CNTN3: variants seen among roughly 807,000 people sequenced by gnomAD.
The protein encoded by CNTN3 is contactin 3, also known as contactin-3.
A neutral mutation model predicts 119.1 loss-of-function variants in CNTN3; 60 were observed. The ratio of observed to expected loss-of-function variants is 0.50; its 90% CI spans 0.41 to 0.62. The LOEUF (loss-of-function observed/expected upper bound fraction) is 0.62. CNTN3 is among the 20% of genes least tolerant of loss of function. CNTN3 has a pLI of 0.00. For synonymous variants in CNTN3, 450 were observed against 438.7 expected, an observed-to-expected ratio of 1.03 and a Z score of -0.32; for missense variants, 1,101 against 1,242.4, an observed-to-expected ratio of 0.89 and a Z score of 1.71.
chr3:74,583,784 G>A (rs1704552015), intron 1 of CNTN3, among the ~76,000 whole-genome samples: 1 of 152,164 alleles, frequency 6.6e-6, no homozygotes. Flanking sequence ...ACATTTTAAA[G>A]ACAGAATTGC....
intron 4 of CNTN3, among the ~76,000 whole-genome samples, chr3:74,476,495 A>G (rs1235908468): frequency 6.6e-6 from 1 of 152,206 alleles, no homozygotes; most frequent in East Asian, 1.9e-4. Context: ...CCAGGTAGGT[A>G]GAAACTCTGC....
intron 13 of CNTN3, among the ~76,000 whole-genome samples, chr3:74,317,363 T>C (rs1233810338): frequency 1.3e-5 from 2 of 151,688 alleles, no homozygotes; most frequent in Admixed American, 6.6e-5. Flanking sequence ...GTTATGTGTG[T>C]ATTTGGTCCT....
intron 4 of CNTN3, among the ~76,000 whole-genome samples, chr3:74,463,182 T>C (rs1295890648): frequency 6.6e-6 from 1 of 152,170 alleles, no homozygotes; most frequent in Non-Finnish European, 1.5e-5. Context: ...AGCGTTTGCT[T>C]TCTACAGTGT....
At chr3:74,344,807 C>G (rs1481707103) in intron 11 of CNTN3, among the ~76,000 whole-genome samples, 1 of 151,926 alleles carries the variant, frequency 6.6e-6, no homozygotes, top group African/African-American at 2.4e-5. Flanking sequence ...TCTTTGAGTA[C>G]TTGAAAAATC....
intron 1 of CNTN3, among the ~76,000 whole-genome samples, chr3:74,559,113 T>C (rs192702667): frequency 6.6e-6 from 1 of 152,178 alleles, no homozygotes; most frequent in East Asian, 1.9e-4. Flanking sequence ...TCATAATTAA[T>C]ATTACTACTA....
At chr3:74,486,981 G>C (rs7615301) in intron 3 of CNTN3, among the ~76,000 whole-genome samples, 53,611 of 152,000 alleles carry the variant, frequency 0.35, 11,851 homozygotes, top group Non-Finnish European at 0.5. Context: ...TTAGGCCAAG[G>C]TCCTGCTGAC....
chr3:74,513,252 T>C (rs760720069), intron 2 of CNTN3, among the ~76,000 whole-genome samples: 3 of 152,106 alleles, frequency 2.0e-5, no homozygotes, highest in Admixed American at 6.6e-5. Context: ...ACTAAAACTT[T>C]AATCGTACCA....
rs926280162 is a variant in CNTN3 at position 74,486,393 on chromosome 3, T to C, written c.358+63A>G. The C allele has an allele frequency of 9.1e-6, 13 of 1,427,920 alleles. No individual in the cohort carries two copies. The African/African-American group carries it at 1.2e-4, about 13-fold the overall frequency. The allele number at this position is 1,427,920 out of a possible 1,614,324, so 88.5% of individuals were successfully genotyped here. A position where few individuals can be genotyped will look rare whatever the true frequency, so the allele number is the denominator to read the frequency against. On this transcript the variant is annotated intron_variant, in intron 4 of 22. Coordinates refer to ENST00000263665, the MANE Select transcript of CNTN3 (RefSeq NM_020872.3). Reference sequence around the variant, plus strand: ...TATTATTTCTGAAATCCAAAACGACTACACAAATTAAGTTACATATTTTCT... The same window carrying C: ...TATTATTTCTGAAATCCAAAACGACCACACAAATTAAGTTACATATTTTCT...
intron 4 of CNTN3, among the ~76,000 whole-genome samples, chr3:74,447,569 G>A (rs1352810054): frequency 6.6e-6 from 1 of 151,824 alleles, no homozygotes; most frequent in Non-Finnish European, 1.5e-5. Context: ...TGGAAAATAA[G>A]ACCTACTAAG....
At chr3:74,486,432 C>T in intron 4 of CNTN3, 24 bp downstream of exon 4, 2 of 1,557,740 alleles carry the variant, frequency 1.3e-6, no homozygotes, top group Non-Finnish European at 1.7e-6. Flanking sequence ...GTTGGATTTG[C>T]TAGACATGTG....
chr3:74,501,803 G>A lies in CNTN3; in HGVS notation c.56-2018C>T, dbSNP rs78729638. 6.3e-3 allele frequency among the ~76,000 whole-genome samples: 868 copies of A among 138,422 alleles called. 12 individuals carry two copies. The highest frequency in any genetic ancestry group is 0.022 in the African/African-American group (820 of 37,794). The allele number at this position is 138,422 out of a possible 152,430, so 90.8% of individuals were successfully genotyped here. A position where few individuals can be genotyped will look rare whatever the true frequency, so the allele number is the denominator to read the frequency against. On this transcript the variant is annotated intron_variant, in intron 2 of 22. Coordinates refer to ENST00000263665, the MANE Select transcript of CNTN3 (RefSeq NM_020872.3). The stretch of plus-strand genomic sequence containing the variant: ...GAAATTGCCAAAGGAAAAAAAAAAA[G>A]CTTCCGTTTCCCTTTTTAGGAAAGA...
chr3:74,490,131 G>A (rs1019078681), intron 3 of CNTN3, among the ~76,000 whole-genome samples: 3 of 152,170 alleles, frequency 2.0e-5, no homozygotes, highest in Non-Finnish European at 4.4e-5. Flanking sequence ...AAAGTGGGAT[G>A]AGAATACATA....
intron 5 of CNTN3, among the ~76,000 whole-genome samples, chr3:74,420,671 A>C (rs1222806672): frequency 6.6e-6 from 1 of 152,176 alleles, no homozygotes; most frequent in Non-Finnish European, 1.5e-5. Flanking sequence ...GGACAGTGTC[A>C]CTTCTGCTGA....
intron 1 of CNTN3, among the ~76,000 whole-genome samples, chr3:74,567,066 C>T (rs1314059686): frequency 4.6e-5 from 7 of 151,822 alleles, no homozygotes; most frequent in Non-Finnish European, 5.9e-5. Flanking sequence ...GCAGATACGA[C>T]AGCACAAGCA....
chr3:74,317,380 A>T (rs1702861264), intron 13 of CNTN3, among the ~76,000 whole-genome samples: 1 of 151,912 alleles, frequency 6.6e-6, no homozygotes, highest in Non-Finnish European at 1.5e-5. Flanking sequence ...TCCTGTCATT[A>T]TGATGTTAGC....
At chr3:74,601,819 G>A (rs1704915412) in intron 1 of CNTN3, among the ~76,000 whole-genome samples, 1 of 152,084 alleles carries the variant, frequency 6.6e-6, no homozygotes, top group African/African-American at 2.4e-5. Context: ...AAGATCTTAA[G>A]AGACCTTGTG....
At chr3:74,371,006 G>A (rs949031321) in intron 6 of CNTN3, among the ~76,000 whole-genome samples, 190 bp downstream of exon 6, 2 of 152,074 alleles carry the variant, frequency 1.3e-5, no homozygotes, top group East Asian at 1.9e-4. Context: ...AAGCTTGCCC[G>A]GGGTAAGAAT....
intron 11 of CNTN3, among the ~76,000 whole-genome samples, chr3:74,344,003 A>G (rs972551118): frequency 6.6e-6 from 1 of 152,204 alleles, no homozygotes; most frequent in African/African-American, 2.4e-5. Context: ...AACATGGTAC[A>G]ATGCCTGCTG....
At chr3:74,320,934 AAT>A (rs1198112255) in intron 13 of CNTN3, among the ~76,000 whole-genome samples, 2 of 151,898 alleles carry the variant, frequency 1.3e-5, no homozygotes, top group Non-Finnish European at 2.9e-5. Flanking sequence ...ATATTCAATA[AAT>A]ATATGTTGAA....
Sources: allele counts gnomAD v4.1 joint callset (sites outside exome capture counted in the v4.1 genomes callset), GRCh38; gene constraint gnomAD v4.1.1; transcripts MANE v1.5; gene names NCBI Gene and HGNC (gene_info 2026-07-23, HGNC 2026-07-21).